The following AKR1C4 variants were observed in gnomAD, a reference collection of about 807,000 sequenced individuals.
AKR1C4 encodes 3-alpha-HSD1.
In AKR1C4, 44 loss-of-function variants were observed where a neutral mutation model predicts 41.0. That is an observed-to-expected ratio of 1.07 (90% CI 0.84 to 1.38). The LOEUF (loss-of-function observed/expected upper bound fraction) is 1.38, where lower values mean the gene tolerates loss of function less well. AKR1C4 is among the 40% of genes most tolerant of loss of function. AKR1C4 has a pLI of 0.00. For synonymous variants in AKR1C4, 165 were observed against 137.7 expected, an observed-to-expected ratio of 1.20 and a Z score of -1.39; for missense variants, 438 against 387.9, an observed-to-expected ratio of 1.13 and a Z score of -1.09.
chr10:5,208,558 A>C (rs1832523207), intron 5 of AKR1C4, among the ~76,000 whole-genome samples: 1 of 151,556 alleles, frequency 6.6e-6, no homozygotes, highest in African/African-American at 2.4e-5. Flanking sequence ...GTATTTGTTG[A>C]ATCTCTTCAA....
At chr10:5,202,566 G>A (rs1554797025) in intron 2 of AKR1C4, 6 of 423,448 alleles carry the variant, frequency 1.4e-5, no homozygotes, top group Admixed American at 1.3e-4. Context: ...TAAAAATTGG[G>A]CATCCTTGTC....
chr10:5,207,873 G>T, intron 5 of AKR1C4: 1 of 242,982 alleles, frequency 4.1e-6, no homozygotes. Flanking sequence ...TCATTTCATT[G>T]AACAATCAGA....
intron 3 of AKR1C4, among the ~76,000 whole-genome samples, chr10:5,205,471 C>A (rs3750571): frequency 0.11 from 17,140 of 151,898 alleles, 1,177 homozygotes; most frequent in Admixed American, 0.17. Context: ...GCATTTCCCC[C>A]AAAAAAATTA....
At chr10:5,211,854 G>A (rs782753927) in intron 5 of AKR1C4, among the ~76,000 whole-genome samples, 3 of 152,190 alleles carry the variant, frequency 2.0e-5, no homozygotes, top group Non-Finnish European at 4.4e-5. Flanking sequence ...ATGGCAGAAG[G>A]CAAAGAGGAG....
chr10:5,200,063 G>C, intron 1 of AKR1C4, 118 bp from the exon 2 acceptor site: 5 of 1,313,182 alleles, frequency 3.8e-6, no homozygotes, highest in Non-Finnish European at 5.2e-6. Context: ...AGCAGCGGGG[G>C]CCTGAAGAAG....
At chr10:5,207,121 A>T (rs911537995) in intron 5 of AKR1C4, 1 of 172,402 alleles carries the variant, frequency 5.8e-6, no homozygotes, top group Non-Finnish European at 1.3e-5. Context: ...CTAAAGCATA[A>T]AAAAGAAAGC....
intron 3 of AKR1C4, 98 bp from the exon 4 acceptor site, chr10:5,205,659 C>T (rs936177804): frequency 2.1e-4 from 216 of 1,015,840 alleles, no homozygotes; most frequent in Non-Finnish European, 2.8e-4. Flanking sequence ...ATTTCAGCAC[C>T]TACCTCACGG....
chr10:5,212,903 G>T, intron 6 of AKR1C4, 91 bp from the exon 7 acceptor site: 2 of 1,506,822 alleles, frequency 1.3e-6, no homozygotes, highest in Middle Eastern at 3.5e-4. Flanking sequence ...GAGAGGCTCT[G>T]GTGCAGAATG....
At chr10:5,207,148 T>A (rs4881412) in intron 5 of AKR1C4, 1 of 184,258 alleles carries the variant, frequency 5.4e-6, no homozygotes, top group South Asian at 1.3e-4. Flanking sequence ...TTTTGGGACA[T>A]TTATTTGCAG....
rs782511974 is a variant in AKR1C4, at chr10:5,200,197, C to G, written c.101C>G (p.Ala34Gly). ...CTCCTTCAGGTTCCGAGGAACAGAG[C>G]TGTAGAGGTCACCAAATTAGCAATA... is the stretch of plus-strand genomic sequence containing the variant. ...YAPPEVPRNR[A>G]VEVTKLAIEA... Residue 34 changes from alanine to glycine, a missense_variant, in exon 2 of 9, where the codon GCT becomes GGT. Transcript: ENST00000263126. 3 of 1,613,684 alleles carry G rather than the reference C, an allele frequency of 1.9e-6. No homozygotes were observed. The highest frequency in any genetic ancestry group is 2.2e-5 in the East Asian group (1 of 44,876).
At chr10:5,217,478 A>C (rs782057859) in intron 8 of AKR1C4, among the ~76,000 whole-genome samples, 2 of 152,346 alleles carry the variant, frequency 1.3e-5, no homozygotes, top group South Asian at 2.1e-4. Flanking sequence ...TCAAGGGAAG[A>C]GCCAGGCTCA....
intron 1 of AKR1C4, 119 bp downstream of exon 1, chr10:5,197,070 T>G: frequency 1.1e-6 from 1 of 945,050 alleles, no homozygotes; most frequent in Non-Finnish European, 1.7e-6. Context: ...GTGGTCTGTC[T>G]TACTGGGCTA....
intron 2 of AKR1C4, 86 bp from the exon 3 acceptor site, chr10:5,204,291 G>GA (rs1395233080): frequency 5.3e-5 from 57 of 1,085,562 alleles, no homozygotes; most frequent in Non-Finnish European, 7.6e-5. Flanking sequence ...TTGGAACGGT[G>GA]AAAAATGTCT....
At chr10:5,213,829 A>G (rs1366020826) in intron 7 of AKR1C4, among the ~76,000 whole-genome samples, 1 of 152,184 alleles carries the variant, frequency 6.6e-6, no homozygotes, top group East Asian at 1.9e-4. Context: ...TATTCTGGAT[A>G]TTCTTTAACA....
At position 5,212,962 on chromosome 10, in the gene AKR1C4, C is replaced by T. The variant is rs184913837; in HGVS notation, c.681-32C>T. On this transcript the variant is annotated intron_variant, in intron 6 of 8. Coordinates refer to ENST00000263126, the MANE Select transcript of AKR1C4 (RefSeq NM_001818.5). Reference sequence around the variant, plus strand: ...CCTCCTACCAAACTGAATCCAGCCTCAAGACTTCAGCATTTCTGGCTTTCC... The same window carrying T: ...CCTCCTACCAAACTGAATCCAGCCTTAAGACTTCAGCATTTCTGGCTTTCC... 9.4e-4 allele frequency: 1,517 copies of T among 1,610,326 alleles called. 2 individuals carry two copies. The highest frequency in any genetic ancestry group is 1.6e-3 in the Admixed American group (98 of 59,674).
At chr10:5,200,458 C>G in intron 2 of AKR1C4, 110 bp downstream of exon 2, 1 of 1,474,194 alleles carries the variant, frequency 6.8e-7, no homozygotes, top group Non-Finnish European at 9.0e-7. Context: ...TTATTAGTTC[C>G]AATTTATTCA....
chr10:5,212,114 T>C (rs1832584421), intron 5 of AKR1C4, among the ~76,000 whole-genome samples: 1 of 152,188 alleles, frequency 6.6e-6, no homozygotes, highest in Non-Finnish European at 1.5e-5. Context: ...TGAAGGCAAA[T>C]ACTTTTGATC....
intron 6 of AKR1C4, 77 bp from the exon 7 acceptor site, chr10:5,212,917 A>G: frequency 6.5e-7 from 1 of 1,540,764 alleles, no homozygotes; most frequent in African/African-American, 1.4e-5. Context: ...CAGAATGAAC[A>G]CCTTAGTCTG....
At chr10:5,204,703 T>C (rs1445283981) in intron 3 of AKR1C4, 15 of 714,248 alleles carry the variant, frequency 2.1e-5, no homozygotes, top group African/African-American at 3.5e-5. Flanking sequence ...CCTCAAAGCC[T>C]CTGATTCAAA....
Sources: gnomAD v4.1 joint callset for allele counts (sites outside exome capture counted in the v4.1 genomes callset) on GRCh38, gnomAD v4.1.1 for gene constraint, MANE v1.5 for transcripts, NCBI Gene and HGNC (gene_info 2026-07-23, HGNC 2026-07-21) for gene names.